Variants in DST observed in about 807,000 individuals in gnomAD.
DST encodes dystonin.
A neutral mutation model predicts 875.2 loss-of-function variants in DST; 253 were observed. The ratio of observed to expected loss-of-function variants is 0.29; its 90% CI spans 0.26 to 0.32. The LOEUF (loss-of-function observed/expected upper bound fraction) is 0.32. Among genes scored for constraint, DST ranks in the 10% least tolerant of loss-of-function variants. The probability of loss-of-function intolerance (pLI) is 1.00; values close to 1 mark genes in which losing one functional copy is unlikely to be tolerated. For missense variants in DST, 8,287 were observed against 9,111.6 expected, an observed-to-expected ratio of 0.91 and a Z score of 3.68; for synonymous variants, 3,124 against 3,197.1, an observed-to-expected ratio of 0.98 and a Z score of 0.77.
chr6:56,694,575 C>T (rs1407791075), intron 9 of DST, among the ~76,000 whole-genome samples: 1 of 151,994 alleles, frequency 6.6e-6, no homozygotes, highest in Non-Finnish European at 1.5e-5. Context: ...GTACATTATT[C>T]AAGAGACTAT....
intron 3 of DST, among the ~76,000 whole-genome samples, chr6:56,861,646 C>G (rs1026467448): frequency 2.6e-5 from 4 of 152,326 alleles, no homozygotes; most frequent in Non-Finnish European, 5.9e-5. Context: ...CTGAGGTGAT[C>G]TGGACCTGTC....
At chr6:56,821,478 T>C (rs2099773003) in intron 4 of DST, among the ~76,000 whole-genome samples, 1 of 152,178 alleles carries the variant, frequency 6.6e-6, no homozygotes, top group Non-Finnish European at 1.5e-5. Context: ...CTGGGCAGCA[T>C]GATTAAGTGG....
chr6:56,848,884 A>C (rs1175946453), intron 4 of DST, among the ~76,000 whole-genome samples: 1 of 151,754 alleles, frequency 6.6e-6, no homozygotes. Context: ...AAAATACAAA[A>C]AAAAAATTAG....
At chr6:56,692,319 T>C in intron 9 of DST, 1 of 811,024 alleles carries the variant, frequency 1.2e-6, no homozygotes, top group Non-Finnish European at 1.7e-6. Context: ...AAAGACAAAT[T>C]AGATGTCAGT....
At chr6:56,544,039 T>C (rs1645552642) in intron 61 of DST, among the ~76,000 whole-genome samples, 2 of 152,192 alleles carry the variant, frequency 1.3e-5, no homozygotes, top group Non-Finnish European at 2.9e-5. Context: ...ACAATATCAA[T>C]GCCAATTTTT....
chr6:56,528,694 G>C, intron 67 of DST, 147 bp downstream of exon 67: 1 of 633,468 alleles, frequency 1.6e-6, no homozygotes, highest in Non-Finnish European at 2.8e-6. Context: ...CCACCCCCTT[G>C]ATTGGTCTTC....
At chr6:56,699,880 T>A in intron 8 of DST, 135 bp from the exon 9 acceptor site, 1 of 534,726 alleles carries the variant, frequency 1.9e-6, no homozygotes. Flanking sequence ...GTCAACTAAA[T>A]ATTGTTTTAC....
Position 56,628,007 on chromosome 6 carries a change from G to A in DST, c.4630C>T (p.Gln1544Ter). 1 of 1,613,706 alleles carries A rather than the reference G, an allele frequency of 6.2e-7. No homozygotes were observed. The highest frequency in any genetic ancestry group is 8.5e-7 in the Non-Finnish European group (1 of 1,179,704). The change falls in exon 33 of 104, where the codon CAA (glutamine) becomes TAA (stop). Residue 1544 changes from glutamine (Q) to a stop codon, truncating the protein, a stop_gained. Coordinates refer to ENST00000680361, the MANE Select transcript of DST (RefSeq NM_001374736.1). LOFTEE classifies it high-confidence loss of function. Reference sequence around the variant, plus strand: ...GAATTATTTTTACATACCTTCTGTTGATTCAACTGTGTGGCTAGGGTTTTA... The same window carrying A: ...GAATTATTTTTACATACCTTCTGTTAATTCAACTGTGTGGCTAGGGTTTTA... ...NSKTLATQLN[Q>*]QKMLVSEIEM... is the part of the protein sequence containing the mutation.
At chr6:56,470,781 A>AACACACACACAC (rs67009040) in intron 95 of DST, among the ~76,000 whole-genome samples, 47 of 141,540 alleles carry the variant, frequency 3.3e-4, no homozygotes, top group African/African-American at 5.7e-4. Flanking sequence ...TATGCCAGGC[A>AACACACACACAC]ACACACACAC....
intron 61 of DST, among the ~76,000 whole-genome samples, chr6:56,539,614 G>C (rs146645895): frequency 1.3e-5 from 2 of 152,092 alleles, no homozygotes; most frequent in African/African-American, 4.8e-5. Flanking sequence ...TTTAGTAAAA[G>C]TACCAAAACA....
intron 4 of DST, among the ~76,000 whole-genome samples, chr6:56,836,344 A>G (rs1008328894): frequency 1.3e-5 from 2 of 152,202 alleles, no homozygotes; most frequent in South Asian, 2.1e-4. Context: ...TACATAACAT[A>G]TATGTATTTC....
chr6:56,577,984 G>A (rs578213309), intron 50 of DST, among the ~76,000 whole-genome samples: 121 of 151,172 alleles, frequency 8.0e-4, no homozygotes, highest in Non-Finnish European at 3.7e-4. Context: ...TTTTGCACCC[G>A]GCCTGAGAGA....
intron 49 of DST, among the ~76,000 whole-genome samples, chr6:56,581,489 G>A (rs548271566): frequency 3.6e-4 from 55 of 152,300 alleles, no homozygotes; most frequent in African/African-American, 1.2e-3. Flanking sequence ...TGAATTTAAT[G>A]AGTAGCAGTC....
At chr6:56,569,718 C>A in intron 54 of DST, 138 bp downstream of exon 54, 1 of 606,614 alleles carries the variant, frequency 1.6e-6, no homozygotes. Flanking sequence ...GCCATGATTT[C>A]CAAAGGTCAA....
intron 2 of DST, among the ~76,000 whole-genome samples, chr6:56,909,955 A>G (rs995240873): frequency 5.3e-5 from 8 of 152,192 alleles, no homozygotes; most frequent in African/African-American, 1.9e-4. Flanking sequence ...TCACTTTGTC[A>G]GCCGGGAAAA....
intron 4 of DST, among the ~76,000 whole-genome samples, chr6:56,781,676 A>C (rs2099694305): frequency 6.6e-6 from 1 of 152,194 alleles, no homozygotes; most frequent in Non-Finnish European, 1.5e-5. Context: ...AAACAGGGAC[A>C]ATTTGACTTC....
intron 2 of DST, among the ~76,000 whole-genome samples, chr6:56,916,661 G>C (rs537896160): frequency 1.9e-3 from 287 of 151,850 alleles, no homozygotes; most frequent in Non-Finnish European, 3.3e-3. Context: ...GCTGAGGTGG[G>C]GGGATCTCCT....
intron 61 of DST, among the ~76,000 whole-genome samples, chr6:56,543,448 C>G (rs994647989): frequency 2.0e-5 from 3 of 152,058 alleles, no homozygotes; most frequent in Admixed American, 1.3e-4. Flanking sequence ...AACACAAGGC[C>G]CAAGAGTGGT....
intron 4 of DST, among the ~76,000 whole-genome samples, chr6:56,764,971 A>G (rs1564065296): frequency 2.8e-5 from 3 of 106,902 alleles, no homozygotes; most frequent in Admixed American, 1.8e-4. Context: ...GGAAGGAAGA[A>G]AGGGAGGGAG....
Sources: allele counts gnomAD v4.1 joint callset (sites outside exome capture counted in the v4.1 genomes callset), GRCh38; gene constraint gnomAD v4.1.1; transcripts MANE v1.5; gene names NCBI Gene and HGNC (gene_info 2026-07-23, HGNC 2026-07-21).